Variants in OS9 observed in about 807,000 individuals in gnomAD.
The protein encoded by OS9 is OS9 endoplasmic reticulum lectin, also known as protein OS-9.
In OS9, 58 loss-of-function variants were observed where a neutral mutation model predicts 84.7. The observed-to-expected ratio is 0.68, with a 90% CI of 0.55 to 0.85. The LOEUF is 0.85. OS9 is among the 40% of genes least tolerant of loss of function. The pLI is 0.00. For synonymous variants in OS9, 278 were observed against 320.8 expected, an observed-to-expected ratio of 0.87 and a Z score of 1.43; for missense variants, 760 against 850.9, an observed-to-expected ratio of 0.89 and a Z score of 1.33.
intron 5 of OS9, among the ~76,000 whole-genome samples, chr12:57,700,988 G>C (rs1326539020): frequency 2.6e-5 from 4 of 152,042 alleles, no homozygotes; most frequent in Admixed American, 6.6e-5. Context: ...TTAATGTTTT[G>C]CCTGATTTGT....
intron 5 of OS9, among the ~76,000 whole-genome samples, chr12:57,697,943 A>C (rs1953912893): frequency 6.7e-6 from 1 of 149,362 alleles, no homozygotes; most frequent in Admixed American, 6.7e-5. Context: ...ACACACACAC[A>C]CACACACACA....
chr12:57,716,153 G>A lies in OS9; in HGVS notation c.852G>A (p.Trp284Ter), dbSNP rs1595062056. ...TGCAAGATCTAGGCCCCCAAGTGTG[G>A]AGTGAGACCAAGTCTGGGGTGGCAC... ...EELQDLGPQV[W>*]SETKSGVAPQ... The change falls in exon 7 of 15, where the codon TGG (tryptophan) becomes TGA (stop). Residue 284 changes from tryptophan (W) to a stop codon, truncating the protein, a stop_gained. Transcript: ENST00000315970. LOFTEE classifies it high-confidence loss of function. 1 of 1,613,056 alleles carries A rather than the reference G, an allele frequency of 6.2e-7. No homozygotes were observed. The highest frequency in any genetic ancestry group is 8.5e-7 in the Non-Finnish European group (1 of 1,179,880).
intron 5 of OS9, among the ~76,000 whole-genome samples, chr12:57,705,372 T>C (rs1954136542): frequency 6.6e-6 from 1 of 152,222 alleles, no homozygotes; most frequent in Non-Finnish European, 1.5e-5. Context: ...TTAGTAAAGC[T>C]TTAATTTTCT....
At chr12:57,710,943 G>A (rs1386460930) in intron 5 of OS9, among the ~76,000 whole-genome samples, 2 of 148,172 alleles carry the variant, frequency 1.3e-5, no homozygotes, top group Admixed American at 1.4e-4. Flanking sequence ...GGAGGCTGAG[G>A]CAGGAGAATC....
rs762542408 is a variant in OS9, at chr12:57,716,751, G to A, written c.1045+7G>A. On this transcript the variant is annotated splice_region_variant and intron_variant, in intron 9 of 14. Coordinates refer to ENST00000315970, the MANE Select transcript of OS9 (RefSeq NM_006812.4). The stretch of plus-strand genomic sequence containing the variant: ...GCTTCTGGTGCTCCCAATGGTGAGT[G>A]AACCTTCCATGTCTCCTTTACTGAA... The A allele has an allele frequency of 6.2e-7, 1 of 1,612,072 alleles. No homozygotes were observed. Among genetic ancestry groups the A allele is most frequent in the Non-Finnish European group, 8.5e-7 (1 of 1,178,108 alleles).
intron 6 of OS9, 28 bp downstream of exon 6, chr12:57,715,998 CG>C (rs1484621057): frequency 1.2e-6 from 2 of 1,600,918 alleles, no homozygotes; most frequent in African/African-American, 2.7e-5. Context: ...GAGGAGAAGA[CG>C]GGGAGATACG....
intron 5 of OS9, among the ~76,000 whole-genome samples, chr12:57,707,447 G>A (rs1954203356): frequency 6.6e-6 from 1 of 152,192 alleles, no homozygotes; most frequent in Admixed American, 6.5e-5. Flanking sequence ...CTCACATGGT[G>A]GAAGCAGGAG....
At chr12:57,715,041 A>G (rs1164703364) in intron 5 of OS9, among the ~76,000 whole-genome samples, 5 of 152,316 alleles carry the variant, frequency 3.3e-5, no homozygotes, top group African/African-American at 1.2e-4. Flanking sequence ...TAAAAATTAC[A>G]TATTTATATA....
intron 1 of OS9, 149 bp from the exon 2 acceptor site, chr12:57,694,601 C>A: frequency 1.2e-6 from 1 of 827,470 alleles, no homozygotes; most frequent in Non-Finnish European, 2.0e-6. Context: ...GCGCCCTCTC[C>A]TCTCACCCAC....
At position 57,716,078 on chromosome 12, in the gene OS9, C is replaced by T. The variant is rs778720040; in HGVS notation, c.791-14C>T. The T allele has an allele frequency of 6.2e-7, 1 of 1,608,616 alleles. No individual in the cohort carries two copies. Among genetic ancestry groups the T allele is most frequent in the Admixed American group, 1.7e-5 (1 of 60,008 alleles). On this transcript the variant is annotated splice_polypyrimidine_tract_variant and intron_variant, in intron 6 of 14. Transcript: ENST00000315970. ...AATGTGTTCCTGGCCTGCTTGCATG[C>T]TGTTTCTCAGTAGACTCAAAGCAGT...
In OS9 at chr12:57,696,327, G is replaced by T. The variant is rs1953833169; in HGVS notation, c.533G>T (p.Gly178Val). The change falls in exon 5 of 15, where the codon GGG becomes GTG. Residue 178 changes from glycine (G) to valine (V), a missense_variant. Coordinates refer to ENST00000315970, the MANE Select transcript of OS9 (RefSeq NM_006812.4). ...TACCACAGCCAGACCTATGGCAATG[G>T]GTCCAAGTGCGACCTTAATGGGAGG... ...KRYHSQTYGN[G>V]SKCDLNGRPR... The T allele has an allele frequency of 6.2e-7, 1 of 1,613,760 alleles. No homozygotes were observed. Among genetic ancestry groups the T allele is most frequent in the African/African-American group, 1.3e-5 (1 of 75,012 alleles).
chr12:57,697,914 CACACACACAT>C (rs1440075459), intron 5 of OS9, among the ~76,000 whole-genome samples: 16 of 64,680 alleles, frequency 2.5e-4, no homozygotes, highest in African/African-American at 8.4e-4. Flanking sequence ...AGCAAACACA[CACACACACAT>C]ACACACACAC....
rs953733300 is a variant in OS9 at position 57,720,140 on chromosome 12, C to T, written c.1642C>T (p.Leu548Phe). 8 of 1,614,048 alleles carry T rather than the reference C, an allele frequency of 5.0e-6. No homozygotes were observed. The Admixed American group carries it at 5.0e-5, about 10-fold the overall frequency. Reference protein sequence around the residue: ...EHRVRVRVTKLRLGGPNQDLT... With the variant: ...EHRVRVRVTKFRLGGPNQDLT... The stretch of plus-strand genomic sequence containing the variant: ...CAGAGTCCGGGTCCGGGTCACCAAG[C>T]TCCGTCTCGGAGGCCCTAATCAGGA... The change falls in exon 13 of 15, where the codon CTC (leucine) becomes TTC (phenylalanine). Residue 548 changes from leucine (L) to phenylalanine (F), a missense_variant. By Grantham distance (22) the Leu-to-Phe change is conservative (BLOSUM62 0). Transcript: ENST00000315970.
chr12:57,720,659 C>A, intron 14 of OS9, 125 bp from the exon 15 acceptor site: 1 of 1,317,694 alleles, frequency 7.6e-7, no homozygotes, highest in Non-Finnish European at 1.1e-6. Context: ...AGAGTGCTGC[C>A]ATGCAGGAAG....
intron 5 of OS9, among the ~76,000 whole-genome samples, chr12:57,700,527 C>T (rs2140297977): frequency 6.6e-6 from 1 of 152,236 alleles, no homozygotes; most frequent in South Asian, 2.1e-4. Context: ...CAGGTAAAGC[C>T]CCTACTCCAG....
At chr12:57,711,673 T>C (rs1359815648) in intron 5 of OS9, among the ~76,000 whole-genome samples, 1 of 152,212 alleles carries the variant, frequency 6.6e-6, no homozygotes, top group Non-Finnish European at 1.5e-5. Context: ...TGCATAAAAT[T>C]CCATTGTGTG....
intron 2 of OS9, 135 bp downstream of exon 2, chr12:57,695,061 C>T: frequency 1.4e-6 from 1 of 708,714 alleles, no homozygotes; most frequent in Non-Finnish European, 2.4e-6. Flanking sequence ...AGACAGATTA[C>T]ACGGACAGGA....
chr12:57,706,880 A>T (rs1306813741), intron 5 of OS9, among the ~76,000 whole-genome samples: 1 of 151,188 alleles, frequency 6.6e-6, no homozygotes, highest in African/African-American at 2.4e-5. Context: ...GTTTAGATAA[A>T]ATAAATCCTC....
intron 3 of OS9, 58 bp from the exon 4 acceptor site, chr12:57,695,903 TC>T: frequency 6.4e-7 from 1 of 1,555,134 alleles, no homozygotes; most frequent in African/African-American, 1.4e-5. Flanking sequence ...GTTCCCCAGT[TC>T]CCTCCTCCTC....
Sources: gnomAD v4.1 joint callset for allele counts (sites outside exome capture counted in the v4.1 genomes callset) on GRCh38, gnomAD v4.1.1 for gene constraint, MANE v1.5 for transcripts, NCBI Gene and HGNC (gene_info 2026-07-23, HGNC 2026-07-21) for gene names.